The following NES variants were observed in gnomAD, a reference collection of about 807,000 sequenced individuals.
NES encodes nestin.
A neutral mutation model predicts 35.6 loss-of-function variants in NES; 27 were observed. That is an observed-to-expected ratio of 0.76 (90% CI 0.56 to 1.04). The LOEUF is 1.04. Ranked by LOEUF, NES falls within the 50% of genes least tolerant of loss-of-function variation. The pLI is 0.00. For missense variants in NES, 1,867 were observed against 1,983.6 expected, an observed-to-expected ratio of 0.94 and a Z score of 1.12; for synonymous variants, 822 against 824.2, an observed-to-expected ratio of 1.00 and a Z score of 0.04.
rs1571463348 is a variant in NES, at chr1:156,671,390, C to T, written c.2798G>A (p.Arg933Lys). Residue 933 changes from arginine to lysine, a missense_variant, in exon 4 of 4, where the codon AGG becomes AAG. Physicochemically the swap from Arg to Lys is conservative, Grantham distance 26 (BLOSUM62 2). Transcript: ENST00000368223. ...LGKGEYQESLRSLEEEGQELP... is the reference protein window; with the variant it reads ...LGKGEYQESLKSLEEEGQELP... ...CTCCTGTCCCTCCTCCTCCAGAGAC[C>T]TCAGTGACTCTTGGTACTCTCCCTT... is the stretch of plus-strand genomic sequence containing the variant. The T allele has an allele frequency of 1.9e-6, 3 of 1,614,050 alleles. No homozygotes were observed. Among genetic ancestry groups the T allele is most frequent in the East Asian group, 2.2e-5 (1 of 44,884 alleles).
At position 156,672,118 on chromosome 1, in the gene NES, T is replaced by C. The variant is rs776611693; in HGVS notation, c.2070A>G (p.Arg690=). ...SPEVGDEEAL[R]PLTKENQEPL... ...GTTCCTGATTCTCCTTTGTCAGAGG[T>C]CTCAGTGCCTCCTCATCCCCTACTT... The change falls in exon 4 of 4, where the codon AGA becomes AGG. Residue 690 remains arginine, a synonymous_variant. Coordinates refer to ENST00000368223, the MANE Select transcript of NES (RefSeq NM_006617.2). 6 of 1,611,270 alleles carry C rather than the reference T, an allele frequency of 3.7e-6. No individual in the cohort carries two copies. The highest frequency in any genetic ancestry group is 5.1e-6 in the Non-Finnish European group (6 of 1,179,396).
intron 2 of NES, 22 bp from the exon 3 acceptor site, chr1:156,673,549 T>A: frequency 6.3e-7 from 1 of 1,580,442 alleles, no homozygotes; most frequent in Non-Finnish European, 8.6e-7. Context: ...AGAGGGAAAG[T>A]GGGGTCAGCC....
chr1:156,672,817 G>T lies in NES; in HGVS notation c.1371C>A (p.Gly457=). The T allele has an allele frequency of 1.9e-6, 3 of 1,613,714 alleles. No homozygotes were observed. The highest frequency in any genetic ancestry group is 1.7e-6 in the Non-Finnish European group (2 of 1,180,044). ...PGGQRQEAST[G]QSPEDHASLA... Reference sequence around the variant, plus strand: ...AGGAGGCATGGTCCTCTGGGGACTGGCCTGTACTGGCCTCTTGCCGCTGGC... The same window carrying T: ...AGGAGGCATGGTCCTCTGGGGACTGTCCTGTACTGGCCTCTTGCCGCTGGC... The change falls in exon 4 of 4, where the codon GGC becomes GGA. Residue 457 remains glycine, a synonymous_variant. Transcript: ENST00000368223.
intron 2 of NES, among the ~76,000 whole-genome samples, chr1:156,674,958 G>A (rs1679811337): frequency 6.6e-6 from 1 of 152,232 alleles, no homozygotes; most frequent in South Asian, 2.1e-4. Flanking sequence ...CCTCTCCAGA[G>A]GCTGTCCCGC....
chr1:156,670,041 G>A lies in NES; in HGVS notation c.4147C>T (p.Pro1383Ser), dbSNP rs1244889135. The A allele has an allele frequency of 6.2e-7, 1 of 1,614,002 alleles. No individual in the cohort carries two copies. The highest frequency in any genetic ancestry group is 8.5e-7 in the Non-Finnish European group (1 of 1,179,972). ...GTEAPFLPGV[P>S]GEVAEPLGQV... ...CCCAGAGGTTCTGCCACCTCCCCAGGGACCCCAGGAAGAAAAGGTGCCTCA... is the reference window on the plus strand; with the variant it reads ...CCCAGAGGTTCTGCCACCTCCCCAGAGACCCCAGGAAGAAAAGGTGCCTCA... Residue 1383 changes from proline to serine, a missense_variant, in exon 4 of 4, where the codon CCT (proline) becomes TCT (serine). Pro to Ser is a moderately conservative substitution (Grantham distance 74). Coordinates refer to ENST00000368223, the MANE Select transcript of NES (RefSeq NM_006617.2).
At position 156,672,788 on chromosome 1, in the gene NES, G is replaced by T. The variant is rs1679762836; in HGVS notation, c.1400C>A (p.Ala467Glu). 6.2e-7 allele frequency: 1 copy of T among 1,613,344 alleles called. No homozygotes were observed. Reference sequence around the variant, plus strand: ...GGAGTGGTCAGGGCTGAGGGGTGGTGCCAAGGAGGCATGGTCCTCTGGGGA... The same window carrying T: ...GGAGTGGTCAGGGCTGAGGGGTGGTTCCAAGGAGGCATGGTCCTCTGGGGA... ...GQSPEDHASL[A>E]PPLSPDHSSL... Residue 467 changes from alanine (A) to glutamate (E), a missense_variant, in exon 4 of 4, where the codon GCA (alanine) becomes GAA (glutamate). Transcript: ENST00000368223.
chr1:156,671,678 A>T lies in NES; in HGVS notation c.2510T>A (p.Leu837Gln), dbSNP rs1679736102. The T allele has an allele frequency of 6.2e-7, 1 of 1,613,562 alleles. No individual in the cohort carries two copies. The highest frequency in any genetic ancestry group is 1.7e-5 in the Admixed American group (1 of 59,890). The change falls in exon 4 of 4, where the codon CTG becomes CAG. Residue 837 changes from leucine (L) to glutamine (Q), a missense_variant. Physicochemically the swap from Leu to Gln is moderately radical, Grantham distance 113. Coordinates refer to ENST00000368223, the MANE Select transcript of NES (RefSeq NM_006617.2). The stretch of plus-strand genomic sequence containing the variant: ...AGTTTCTGGAGATTTCAGTGTTTCC[A>T]GGTTCTCTTGTCCCGCAGACTTCAG... Reference protein sequence around the residue: ...ESLKSAGQENLETLKSPETQA... With the variant: ...ESLKSAGQENQETLKSPETQA...
intron 2 of NES, among the ~76,000 whole-genome samples, chr1:156,673,882 C>T (rs1190890574): frequency 2.0e-5 from 3 of 152,044 alleles, no homozygotes; most frequent in South Asian, 4.2e-4. Flanking sequence ...TGTGGGGGAC[C>T]GATTCTCATG....
chr1:156,675,458 T>C (rs1647247973), intron 1 of NES, 118 bp from the exon 2 acceptor site: 2 of 1,230,408 alleles, frequency 1.6e-6, no homozygotes, highest in African/African-American at 1.5e-5. Context: ...CTGACTTATC[T>C]GTGTAGCAGA....
rs781377929 is a variant in NES, at chr1:156,669,875, C to T, written c.4313G>A (p.Gly1438Glu). 10 of 1,613,834 alleles carry T rather than the reference C, an allele frequency of 6.2e-6. No homozygotes were observed. The highest frequency in any genetic ancestry group is 1.6e-4 in the Middle Eastern group (1 of 6,062). The change falls in exon 4 of 4, where the codon GGG becomes GAG. Residue 1438 changes from glycine to glutamate, a missense_variant. Gly to Glu is a moderately conservative substitution (Grantham distance 98). Coordinates refer to ENST00000368223, the MANE Select transcript of NES (RefSeq NM_006617.2). ...EGREPGAGRW[G>E]PGSSVGSLQA... ...GAGGCTGCCAACAGAAGACCCTGGC[C>T]CCCACCGCCCAGCCCCTGGCTCCCT...
Position 156,669,891 on chromosome 1 carries a change from CT to C in NES, c.4296del (p.Ala1434LeufsTer16). ...GEEDQEEGRE[P>X]GAGRWGPGSS... ...GACCCTGGCCCCCACCGCCCAGCCCCTGGCTCCCTCCCCTCCTCCTGATCCT... is the reference window on the plus strand; with the variant it reads ...GACCCTGGCCCCCACCGCCCAGCCCCGGCTCCCTCCCCTCCTCCTGATCCT... On this transcript the variant is annotated frameshift_variant, in exon 4 of 4. Transcript: ENST00000368223. LOFTEE classifies it low-confidence loss of function (END_TRUNC). The C allele has an allele frequency of 6.2e-7, 1 of 1,613,596 alleles. No individual in the cohort carries two copies. The highest frequency in any genetic ancestry group is 1.3e-5 in the African/African-American group (1 of 74,946).
Position 156,677,285 on chromosome 1 carries a change from AG to A in NES, c.-22del, listed in dbSNP as rs1302214232. On this transcript the variant is annotated 5_prime_UTR_variant, in exon 1 of 4. Coordinates refer to ENST00000368223, the MANE Select transcript of NES (RefSeq NM_006617.2). The surrounding 1 kb of genome is among the most constrained non-coding windows in gnomAD (Gnocchi z 4.5). ...TCCATCCTGCTCGTCTGACCCACTG[AG>A]GATGGACAGACGCGGGGCACCGGGA... The A allele has an allele frequency of 6.4e-7, 1 of 1,573,532 alleles. No homozygotes were observed. Among genetic ancestry groups the A allele is most frequent in the East Asian group, 2.3e-5 (1 of 42,650 alleles).
At position 156,676,721 on chromosome 1, in the gene NES, G is replaced by T; in HGVS notation, c.544C>A (p.Leu182Met). The T allele has an allele frequency of 7.1e-7, 1 of 1,409,694 alleles. No individual in the cohort carries two copies. Among genetic ancestry groups the T allele is most frequent in the South Asian group, 1.5e-5 (1 of 65,626 alleles). The allele number at this position is 1,409,694 out of a possible 1,614,324, so 87.3% of individuals were successfully genotyped here. A position where few individuals can be genotyped will look rare whatever the true frequency, so the allele number is the denominator to read the frequency against. Reference protein sequence around the residue: ...APEVEELARRLGEAWRGAVRG... With the variant: ...APEVEELARRMGEAWRGAVRG... ...ACTGCCCCGCGCCACGCCTCGCCCA[G>T]TCGCCTTGCCAGCTCCTCTACCTCC... Residue 182 changes from leucine (L) to methionine (M), a missense_variant, in exon 1 of 4, where the codon CTG becomes ATG. Leu to Met is a conservative substitution (Grantham distance 15). Transcript: ENST00000368223. The surrounding 1 kb of genome is among the most constrained non-coding windows in gnomAD (Gnocchi z 5.3).
In NES at chr1:156,672,346, A is replaced by C. The variant is rs1331799704; in HGVS notation, c.1842T>G (p.Leu614=). Residue 614 remains leucine, a synonymous_variant, in exon 4 of 4, where the codon CTT becomes CTG. Coordinates refer to ENST00000368223, the MANE Select transcript of NES (RefSeq NM_006617.2). The part of the protein sequence containing the change: ...RPLEKEAVGQ[L]KPTGKEDTQT... ...GTGTGTCCTCTTTTCCTGTAGGCTT[A>C]AGTTGGCCTACAGCCTCTTTTTCTA... 5 of 1,612,442 alleles carry C rather than the reference A, an allele frequency of 3.1e-6. No individual in the cohort carries two copies. Among genetic ancestry groups the C allele is most frequent in the Non-Finnish European group, 8.5e-7 (1 of 1,179,746 alleles).
Position 156,676,846 on chromosome 1 carries a change from A to G in NES, c.419T>C (p.Leu140Pro). 1 of 1,493,106 alleles carries G rather than the reference A, an allele frequency of 6.7e-7. No individual in the cohort carries two copies. The highest frequency in any genetic ancestry group is 8.8e-7 in the Non-Finnish European group (1 of 1,135,288). The allele number at this position is 1,493,106 out of a possible 1,614,324, so 92.5% of individuals were successfully genotyped here. The change falls in exon 1 of 4, where the codon CTA becomes CCA. Residue 140 changes from leucine to proline, a missense_variant. Leu to Pro is a moderately conservative substitution (Grantham distance 98). Coordinates refer to ENST00000368223, the MANE Select transcript of NES (RefSeq NM_006617.2). The surrounding 1 kb of genome is among the most constrained non-coding windows in gnomAD (Gnocchi z 5.3). ...VAELERELEA[L>P]RVAHEEERVG... ...GCGCTCCTCCTCGTGCGCCACGCGT[A>G]GAGCCTCTAGCTCGCGCTCCAGCTC...
chr1:156,672,921 GT>G lies in NES; in HGVS notation c.1266del (p.Lys422AsnfsTer56). On this transcript the variant is annotated frameshift_variant, in exon 4 of 4. Transcript: ENST00000368223. LOFTEE classifies it low-confidence loss of function (END_TRUNC). ...LSLLQTQGGRKQAPEPLRAEA... is the reference protein window; with the variant it reads ...LSLLQTQGGRXQAPEPLRAEA... The stretch of plus-strand genomic sequence containing the variant: ...TCAGCCCGCAGGGGCTCTGGAGCCT[GT>G]TTCCTCCCACCCTGTGTCTGGAGCA... 6.2e-7 allele frequency: 1 copy of G among 1,614,034 alleles called. No homozygotes were observed.
In NES at chr1:156,677,097, G is replaced by A. The variant is rs1647323970; in HGVS notation, c.168C>T (p.Ala56=). 3.1e-6 allele frequency: 5 copies of A among 1,603,656 alleles called. No individual in the cohort carries two copies. The highest frequency in any genetic ancestry group is 2.2e-5 in the South Asian group (2 of 89,844). Residue 56 remains alanine (A), a synonymous_variant, in exon 1 of 4, where the codon GCC becomes GCT. Coordinates refer to ENST00000368223, the MANE Select transcript of NES (RefSeq NM_006617.2). This position sits in a 1 kb window ranked among gnomAD's most constrained non-coding sequence, Gnocchi z 4.5. The part of the protein sequence containing the change: ...QSADTSWRAH[A]DDELAALRAL... Reference sequence around the variant, plus strand: ...CCCGCAGGGCCGCCAGCTCGTCGTCGGCATGCGCCCGCCAGGAGGTGTCCG... The same window carrying A: ...CCCGCAGGGCCGCCAGCTCGTCGTCAGCATGCGCCCGCCAGGAGGTGTCCG...
In NES at chr1:156,669,640, A is replaced by C; in HGVS notation, c.4548T>G (p.Pro1516=). The C allele has an allele frequency of 6.2e-7, 1 of 1,614,020 alleles. No individual in the cohort carries two copies. The highest frequency in any genetic ancestry group is 8.5e-7 in the Non-Finnish European group (1 of 1,179,964). ...CCTCCATCCCACTGGGGATCTCTAG[A>C]GGGCCAGGGACTTTGTCCTCCCTCT... The part of the protein sequence containing the change: ...SLEREDKVPG[P]LEIPSGMEDA... Residue 1516 remains proline, a synonymous_variant, in exon 4 of 4, where the codon CCT becomes CCG. Coordinates refer to ENST00000368223, the MANE Select transcript of NES (RefSeq NM_006617.2).
chr1:156,676,937 C>T lies in NES; in HGVS notation c.328G>A (p.Ala110Thr). The T allele has an allele frequency of 6.4e-7, 1 of 1,553,380 alleles. No homozygotes were observed. Among genetic ancestry groups the T allele is most frequent in the Non-Finnish European group, 8.6e-7 (1 of 1,158,034 alleles). ...LARERTTEEV[A>T]RNRRAVEAEK... ...GCCTCGACGGCGCGCCGGTTGCGGGCTACCTCCTCCGTCGTCCGCTCCCGG... is the reference window on the plus strand; with the variant it reads ...GCCTCGACGGCGCGCCGGTTGCGGGTTACCTCCTCCGTCGTCCGCTCCCGG... The change falls in exon 1 of 4, where the codon GCC becomes ACC. Residue 110 changes from alanine to threonine, a missense_variant. Ala to Thr is a moderately conservative substitution (Grantham distance 58, BLOSUM62 0). Coordinates refer to ENST00000368223, the MANE Select transcript of NES (RefSeq NM_006617.2). The surrounding 1 kb of genome is among the most constrained non-coding windows in gnomAD (Gnocchi z 5.3).
Sources: gnomAD v4.1 joint callset for allele counts (sites outside exome capture counted in the v4.1 genomes callset) on GRCh38, gnomAD v4.1.1 for gene constraint, Gnocchi (gnomAD v3.1) non-coding constraint, MANE v1.5 for transcripts, NCBI Gene and HGNC (gene_info 2026-07-23, HGNC 2026-07-21) for gene names.